The following ADAMTS19 variants were observed in gnomAD, a reference collection of about 807,000 sequenced individuals.
The protein encoded by ADAMTS19 is ADAM metallopeptidase with thrombospondin type 1 motif 19, also known as A disintegrin and metalloproteinase with thrombospondin motifs 19.
A neutral mutation model predicts 153.3 loss-of-function variants in ADAMTS19; 93 were observed. The observed-to-expected ratio is 0.61, with a 90% CI of 0.51 to 0.72. The LOEUF (loss-of-function observed/expected upper bound fraction) is 0.72, where lower values mean the gene tolerates loss of function less well. ADAMTS19 is among the 30% of genes least tolerant of loss of function. ADAMTS19 has a pLI of 0.00. For synonymous variants in ADAMTS19, 600 were observed against 556.6 expected, an observed-to-expected ratio of 1.08 and a Z score of -1.10; for missense variants, 1,482 against 1,552.1, an observed-to-expected ratio of 0.95 and a Z score of 0.76.
chr5:129,597,119 A>G (rs1750416829), intron 8 of ADAMTS19, among the ~76,000 whole-genome samples: 1 of 152,218 alleles, frequency 6.6e-6, no homozygotes, highest in Admixed American at 6.5e-5. Context: ...GAAATTAGAC[A>G]TATAATTAAC....
chr5:129,487,574 A>C lies in ADAMTS19; in HGVS notation c.748-21503A>C, dbSNP rs562480846. 1.5e-4 allele frequency among the ~76,000 whole-genome samples: 23 copies of C among 152,160 alleles called. 1 individual carries two copies. In the South Asian group the frequency reaches 4.6e-3, roughly 30 times the overall value. ...ATCCACTTGTAAATATCAGAGTTCT[A>C]TTTGTGGATCATGATAGTACATATA... On this transcript the variant is annotated intron_variant, in intron 2 of 22. Coordinates refer to ENST00000274487, the MANE Select transcript of ADAMTS19 (RefSeq NM_133638.6).
At chr5:129,622,435 G>A (rs1308828752) in intron 10 of ADAMTS19, 87 bp downstream of exon 10, 3 of 1,472,028 alleles carry the variant, frequency 2.0e-6, no homozygotes, top group Non-Finnish European at 2.8e-6. Context: ...TTTAGGGTTT[G>A]TGGATCAAAA....
intron 7 of ADAMTS19, among the ~76,000 whole-genome samples, chr5:129,586,188 C>G (rs1749788678): frequency 6.6e-6 from 1 of 152,156 alleles, no homozygotes; most frequent in Admixed American, 6.5e-5. Context: ...TACTATCACC[C>G]AAGTCCACAG....
chr5:129,708,264 A>T (rs1756257551), intron 21 of ADAMTS19, among the ~76,000 whole-genome samples: 1 of 152,212 alleles, frequency 6.6e-6, no homozygotes, highest in Non-Finnish European at 1.5e-5. Context: ...GATGGCAAAA[A>T]TAGGACACAT....
At chr5:129,484,595 A>G (rs1044706051) in intron 2 of ADAMTS19, among the ~76,000 whole-genome samples, 2 of 152,140 alleles carry the variant, frequency 1.3e-5, no homozygotes, top group African/African-American at 4.8e-5. Context: ...GTTTTAGCCT[A>G]CGGTTTAAAC....
At chr5:129,631,956 A>G (rs1752317571) in intron 10 of ADAMTS19, among the ~76,000 whole-genome samples, 1 of 151,958 alleles carries the variant, frequency 6.6e-6, no homozygotes, top group African/African-American at 2.4e-5. Context: ...TCTCTTTAGG[A>G]TCCTACTTTA....
chr5:129,564,575 G>C (rs571973422), intron 7 of ADAMTS19, among the ~76,000 whole-genome samples: 1 of 152,292 alleles, frequency 6.6e-6, no homozygotes, highest in East Asian at 1.9e-4. Context: ...CGATGAGACA[G>C]TAAAACAGCA....
chr5:129,664,391 T>C (rs1753944170), intron 15 of ADAMTS19, among the ~76,000 whole-genome samples: 1 of 152,180 alleles, frequency 6.6e-6, no homozygotes, highest in Admixed American at 6.6e-5. Context: ...TTTGGTCATG[T>C]GAAAAAATGA....
chr5:129,703,817 G>A (rs962459641), intron 20 of ADAMTS19, among the ~76,000 whole-genome samples: 1 of 151,992 alleles, frequency 6.6e-6, no homozygotes, highest in African/African-American at 2.4e-5. Flanking sequence ...TGACATGCTG[G>A]GGAAATTGTT....
intron 3 of ADAMTS19, among the ~76,000 whole-genome samples, chr5:129,518,256 T>A (rs1041937819): frequency 6.6e-6 from 1 of 152,118 alleles, no homozygotes; most frequent in African/African-American, 2.4e-5. Flanking sequence ...TGTTATAATA[T>A]TCTGTGTTTT....
intron 8 of ADAMTS19, among the ~76,000 whole-genome samples, chr5:129,619,212 G>T (rs79101555): frequency 0.02 from 3,029 of 152,034 alleles, 79 homozygotes; most frequent in African/African-American, 0.063. Flanking sequence ...ATTTATAGAC[G>T]CCCAATGTGG....
chr5:129,463,574 A>C (rs1043227662), intron 2 of ADAMTS19, among the ~76,000 whole-genome samples: 1 of 152,164 alleles, frequency 6.6e-6, no homozygotes, highest in African/African-American at 2.4e-5. Context: ...TTAGATTTTC[A>C]GTAAAAAAGT....
intron 10 of ADAMTS19, among the ~76,000 whole-genome samples, chr5:129,638,045 A>G (rs1752611059): frequency 6.6e-6 from 1 of 152,156 alleles, no homozygotes. Flanking sequence ...TGATGAAATA[A>G]TCTGTTCAGT....
intron 21 of ADAMTS19, among the ~76,000 whole-genome samples, chr5:129,715,288 G>C (rs114436990): frequency 0.016 from 2,468 of 151,976 alleles, 64 homozygotes; most frequent in African/African-American, 0.057. Flanking sequence ...AATTTTTCAG[G>C]CTATACTATT....
At chr5:129,722,561 C>T (rs181185640) in intron 21 of ADAMTS19, among the ~76,000 whole-genome samples, 17 of 152,060 alleles carry the variant, frequency 1.1e-4, no homozygotes, top group Admixed American at 1.0e-3. Flanking sequence ...TTCATTCTGA[C>T]GATAGTTTCT....
chr5:129,506,213 A>G (rs992669392), intron 2 of ADAMTS19, among the ~76,000 whole-genome samples: 6 of 152,116 alleles, frequency 3.9e-5, no homozygotes, highest in African/African-American at 1.2e-4. Flanking sequence ...TGAATGACAC[A>G]TATTCATGCT....
chr5:129,527,853 T>C (rs767351525), intron 5 of ADAMTS19, 22 bp downstream of exon 5: 1 of 1,472,398 alleles, frequency 6.8e-7, no homozygotes, highest in Admixed American at 1.7e-5. Flanking sequence ...TTGAGTTTTT[T>C]ATTAAATTAA....
Position 129,551,927 on chromosome 5 carries a change from C to T in ADAMTS19, c.1372+20C>T, listed in dbSNP as rs756969159. The T allele has an allele frequency of 6.5e-7, 1 of 1,537,838 alleles. No individual in the cohort carries two copies. The highest frequency in any genetic ancestry group is 1.3e-5 in the South Asian group (1 of 78,654). Reference sequence around the variant, plus strand: ...CTGTTGGTAAGTGTGAAAATTCTCACACTTTTGGAGTTCTGGAGAACTTGA... The same window carrying T: ...CTGTTGGTAAGTGTGAAAATTCTCATACTTTTGGAGTTCTGGAGAACTTGA... On this transcript the variant is annotated intron_variant, in intron 7 of 22. Coordinates refer to ENST00000274487, the MANE Select transcript of ADAMTS19 (RefSeq NM_133638.6).
chr5:129,567,343 C>A (rs1753752564), intron 7 of ADAMTS19, among the ~76,000 whole-genome samples: 1 of 151,976 alleles, frequency 6.6e-6, no homozygotes, highest in South Asian at 2.1e-4. Context: ...ACATGAAAAT[C>A]TCAATTTGCA....
Sources: gnomAD v4.1 joint callset for allele counts (sites outside exome capture counted in the v4.1 genomes callset) on GRCh38, gnomAD v4.1.1 for gene constraint, MANE v1.5 for transcripts, NCBI Gene and HGNC (gene_info 2026-07-23, HGNC 2026-07-21) for gene names.